Variants in ECHDC2 observed in about 807,000 individuals in gnomAD.
ECHDC2 encodes enoyl-CoA hydratase domain containing 2.
Under a neutral mutation model 40.6 loss-of-function variants are expected in ECHDC2, and 34 were observed. The ratio of observed to expected loss-of-function variants is 0.84; its 90% CI spans 0.64 to 1.11. ECHDC2 has a LOEUF of 1.11. Ranked by LOEUF, ECHDC2 falls within the 50% of genes most tolerant of loss-of-function variation. ECHDC2 has a pLI of 0.00. For synonymous variants in ECHDC2, 162 were observed against 166.6 expected (o/e 0.97, Z 0.21); for missense variants, 392 against 400.7 (o/e 0.98, Z 0.19).
intron 1 of ECHDC2, among the ~76,000 whole-genome samples, chr1:52,918,214 G>A (rs1441244563): frequency 6.6e-6 from 1 of 152,072 alleles, no homozygotes; most frequent in East Asian, 1.9e-4. Flanking sequence ...TTGTAGAGAA[G>A]GGGTTTCACT....
intron 9 of ECHDC2, chr1:52,897,149 T>C (rs1022506191): frequency 1.4e-5 from 7 of 506,952 alleles, no homozygotes; most frequent in African/African-American, 1.1e-4. Flanking sequence ...TGGCATCTGA[T>C]ACAGAGGCAA....
At chr1:52,901,524 A>G (rs1646994183) in intron 7 of ECHDC2, 1 of 152,224 alleles carries the variant, frequency 6.6e-6, no homozygotes, top group Non-Finnish European at 1.5e-5. Context: ...CTGGGCTGAG[A>G]AAACTCTGGA....
At position 52,916,497 on chromosome 1, in the gene ECHDC2, G is replaced by T. The variant is rs1370314129; in HGVS notation, c.122-4707C>A. Reference sequence around the variant, plus strand: ...GCCTTCAATTTCCTGATCTGTAAGAGAAATAATAAAAAGGTTATTGTTAGG... The same window carrying T: ...GCCTTCAATTTCCTGATCTGTAAGATAAATAATAAAAAGGTTATTGTTAGG... On this transcript the variant is annotated intron_variant, in intron 1 of 9. Transcript: ENST00000371522. Among the ~76,000 whole-genome samples, 4 of 152,268 alleles carry T rather than the reference G, an allele frequency of 2.6e-5. No individual in the cohort carries two copies. In the South Asian group the frequency reaches 6.2e-4, roughly 24 times the overall value.
intron 1 of ECHDC2, chr1:52,912,357 G>A (rs971512589): frequency 8.5e-5 from 13 of 153,414 alleles, no homozygotes; most frequent in Non-Finnish European, 1.3e-4. Flanking sequence ...ATAAGCATGC[G>A]CCATTACACC....
At chr1:52,915,720 T>A (rs1242332) in intron 1 of ECHDC2, among the ~76,000 whole-genome samples, 1,685 of 152,168 alleles carry the variant, frequency 0.011, 32 homozygotes, top group African/African-American at 0.038. Context: ...TCCTGAATAA[T>A]CCCCTCCCTT....
At chr1:52,919,977 C>G (rs1423705906) in intron 1 of ECHDC2, among the ~76,000 whole-genome samples, 1 of 152,186 alleles carries the variant, frequency 6.6e-6, no homozygotes, top group Non-Finnish European at 1.5e-5. Context: ...TACACATGTA[C>G]AAGTCTGTAT....
Position 52,904,685 on chromosome 1 carries a change from G to T in ECHDC2, c.663C>A (p.Tyr221Ter), listed in dbSNP as rs72670819. ...VAQNEEGDAA[Y>*]QRARALAQEI... ...CCTGGGCCAGTGCTCGTGCCCGCTG[G>T]TAGGCGGCGTCCCCCTCCTCGTTCT... is the stretch of plus-strand genomic sequence containing the variant. Residue 221 changes from tyrosine (Y) to a stop codon, truncating the protein, a stop_gained, in exon 7 of 10, where the codon TAC becomes TAA. Coordinates refer to ENST00000371522, the MANE Select transcript of ECHDC2 (RefSeq NM_001198961.2). LOFTEE classifies it high-confidence loss of function. The T allele has an allele frequency of 1.1e-5, 17 of 1,610,530 alleles. No individual in the cohort carries two copies. Among genetic ancestry groups the T allele is most frequent in the Non-Finnish European group, 1.4e-5 (16 of 1,178,884 alleles).
At chr1:52,906,274 T>G (rs1218802059) in intron 5 of ECHDC2, 2 of 580,572 alleles carry the variant, frequency 3.4e-6, no homozygotes, top group Admixed American at 2.2e-5. Flanking sequence ...GCTCTGAGGT[T>G]GGTCAAATAT....
intron 1 of ECHDC2, among the ~76,000 whole-genome samples, chr1:52,916,765 G>A (rs1252807495): frequency 6.6e-6 from 1 of 152,146 alleles, no homozygotes; most frequent in Non-Finnish European, 1.5e-5. Context: ...GTCTAGCCCC[G>A]ATGCTGGGAA....
At chr1:52,898,952 T>G in intron 8 of ECHDC2, 1 of 613,422 alleles carries the variant, frequency 1.6e-6, no homozygotes, top group Non-Finnish European at 2.9e-6. Context: ...AATCTCATCC[T>G]CTCTCCAAGG....
chr1:52,906,046 C>G (rs1647713811), intron 5 of ECHDC2: 2 of 323,842 alleles, frequency 6.2e-6, no homozygotes, highest in Non-Finnish European at 1.2e-5. Context: ...CTTCTTTATC[C>G]CCTCCCATTC....
rs1222618360 is a variant in ECHDC2 at position 52,914,126 on chromosome 1, C to G, written c.122-2336G>C. Reference sequence around the variant, plus strand: ...GGGGAAGACAGACATTAAATAATTACTATTTGTGAGGAGAACTTGGAGAAA... The same window carrying G: ...GGGGAAGACAGACATTAAATAATTAGTATTTGTGAGGAGAACTTGGAGAAA... On this transcript the variant is annotated intron_variant, in intron 1 of 9. Transcript: ENST00000371522. The surrounding 1 kb of genome is among the most constrained non-coding windows in gnomAD (Gnocchi z 4.0). 2.0e-6 allele frequency: 1 copy of G among 503,082 alleles called. No individual in the cohort carries two copies. Among genetic ancestry groups the G allele is most frequent in the African/African-American group, 2.0e-5 (1 of 50,884 alleles). 31.2% of individuals were successfully genotyped at this position (503,082 alleles called of 1,614,324 possible). A position where few individuals can be genotyped will look rare whatever the true frequency, so the allele number is the denominator to read the frequency against.
In ECHDC2 at chr1:52,906,390, C is replaced by T. The variant is rs1647818950; in HGVS notation, c.457+129G>A. The T allele has an allele frequency of 4.9e-6, 4 of 812,014 alleles. No homozygotes were observed. In the South Asian group the frequency reaches 5.8e-5, roughly 12 times the overall value. 50.3% of individuals were successfully genotyped at this position (812,014 alleles called of 1,614,324 possible). On this transcript the variant is annotated intron_variant, in intron 5 of 9. Coordinates refer to ENST00000371522, the MANE Select transcript of ECHDC2 (RefSeq NM_001198961.2). ...CTGCCTGAGCACCCTCTGTGCTCTG[C>T]CTTGCCTTAGTTTTGCTTTTGGTTG...
intron 1 of ECHDC2, among the ~76,000 whole-genome samples, chr1:52,915,708 C>T (rs1260817655): frequency 6.6e-6 from 1 of 152,190 alleles, no homozygotes; most frequent in African/African-American, 2.4e-5. Context: ...CTCATGTTTA[C>T]ATCCTGAATA....
chr1:52,909,721 T>C (rs1571964876), intron 3 of ECHDC2, among the ~76,000 whole-genome samples: 1 of 152,228 alleles, frequency 6.6e-6, no homozygotes, highest in Admixed American at 6.5e-5. Context: ...CTATGTAAAC[T>C]GTTGTACTGT....
At chr1:52,917,652 G>A (rs1157235692) in intron 1 of ECHDC2, 1 of 456,074 alleles carries the variant, frequency 2.2e-6, no homozygotes, top group Non-Finnish European at 4.4e-6. Context: ...TTACAGTCAT[G>A]CACAGCATGA....
At chr1:52,918,622 GA>G (rs1651249391) in intron 1 of ECHDC2, among the ~76,000 whole-genome samples, 1 of 152,112 alleles carries the variant, frequency 6.6e-6, no homozygotes, top group South Asian at 2.1e-4. Flanking sequence ...ATCTAAAGAA[GA>G]AAACATTTTT....
chr1:52,911,616 T>C lies in ECHDC2; in HGVS notation c.227A>G (p.Gln76Arg), dbSNP rs746232656. 1.2e-6 allele frequency: 2 copies of C among 1,614,140 alleles called. No homozygotes were observed. The highest frequency in any genetic ancestry group is 1.7e-6 in the Non-Finnish European group (2 of 1,180,026). The change falls in exon 3 of 10, where the codon CAA (glutamine) becomes CGA (arginine). Residue 76 changes from glutamine to arginine, a missense_variant. Coordinates refer to ENST00000371522, the MANE Select transcript of ECHDC2 (RefSeq NM_001198961.2). The part of the protein sequence containing the change: ...ETLAQLREDR[Q>R]VRVLLFRSGV... ...ACTTCTGAAGAGCAGGACACGCACTTGCCGGTCCTCCCGCAGCTGGGCCAG... is the reference window on the plus strand; with the variant it reads ...ACTTCTGAAGAGCAGGACACGCACTCGCCGGTCCTCCCGCAGCTGGGCCAG...
At chr1:52,918,102 C>CA (rs1323974134) in intron 1 of ECHDC2, among the ~76,000 whole-genome samples, 1 of 152,184 alleles carries the variant, frequency 6.6e-6, no homozygotes, top group Non-Finnish European at 1.5e-5. Flanking sequence ...TGATATTGGA[C>CA]AGCCTTGACC....
Sources: allele counts gnomAD v4.1 joint callset (sites outside exome capture counted in the v4.1 genomes callset), GRCh38; gene constraint gnomAD v4.1.1; non-coding constraint Gnocchi (gnomAD v3.1); transcripts MANE v1.5; gene names NCBI Gene and HGNC (gene_info 2026-07-23, HGNC 2026-07-21).